OPCML: variants seen among roughly 807,000 people sequenced by gnomAD.
The protein encoded by OPCML is opioid-binding protein/cell adhesion molecule.
In OPCML, 13 loss-of-function variants were observed where a neutral mutation model predicts 37.8. That is an observed-to-expected ratio of 0.34 (90% CI 0.22 to 0.55). The LOEUF is 0.55. OPCML is among the 20% of genes least tolerant of loss of function. The pLI, the probability that OPCML is intolerant of heterozygous loss-of-function variation, is 0.91. For missense variants in OPCML, 341 were observed against 435.6 expected, an observed-to-expected ratio of 0.78 and a Z score of 1.93; for synonymous variants, 176 against 168.8, an observed-to-expected ratio of 1.04 and a Z score of -0.33.
intron 1 of OPCML, among the ~76,000 whole-genome samples, chr11:133,063,037 G>T (rs1205248968): frequency 1.3e-5 from 2 of 152,244 alleles, no homozygotes; most frequent in Admixed American, 6.5e-5. Context: ...GGGCTTTGGG[G>T]TCATGGAGTT....
intron 2 of OPCML, among the ~76,000 whole-genome samples, chr11:132,747,130 A>C (rs1945659942): frequency 6.6e-6 from 1 of 152,210 alleles, no homozygotes; most frequent in African/African-American, 2.4e-5. Context: ...TAGAAGGGTA[A>C]AACAGATTAT....
chr11:132,654,699 A>C (rs1214863051), intron 3 of OPCML, among the ~76,000 whole-genome samples: 1 of 151,512 alleles, frequency 6.6e-6, no homozygotes, highest in East Asian at 1.9e-4. Context: ...TGTCATCCCC[A>C]AAAGAAGATC....
At chr11:132,897,975 T>C (rs1168309526) in intron 2 of OPCML, among the ~76,000 whole-genome samples, 1 of 152,208 alleles carries the variant, frequency 6.6e-6, no homozygotes, top group African/African-American at 2.4e-5. Context: ...GAGGGTAGGA[T>C]GACCCATTCT....
intron 3 of OPCML, among the ~76,000 whole-genome samples, chr11:132,649,710 T>C (rs575713545): frequency 8.5e-5 from 13 of 152,274 alleles, no homozygotes; most frequent in African/African-American, 3.1e-4. Flanking sequence ...ACATTGAACA[T>C]GTATATGTGT....
At chr11:132,838,013 GTTTA>G (rs1436993039) in intron 2 of OPCML, among the ~76,000 whole-genome samples, 4 of 152,124 alleles carry the variant, frequency 2.6e-5, no homozygotes, top group Non-Finnish European at 4.4e-5. Flanking sequence ...TATGTTTCTG[GTTTA>G]TTTATTTGTT....
chr11:133,508,012 C>T (rs560007730), intron 1 of OPCML, among the ~76,000 whole-genome samples: 3 of 151,896 alleles, frequency 2.0e-5, no homozygotes, highest in Admixed American at 6.6e-5. Flanking sequence ...TCGTTTTCCC[C>T]AACACTAGAT....
At chr11:133,218,892 G>A (rs185685879) in intron 1 of OPCML, among the ~76,000 whole-genome samples, 90 of 152,266 alleles carry the variant, frequency 5.9e-4, no homozygotes, top group African/African-American at 1.8e-3. Context: ...TCATACCACC[G>A]TAAAACCTGG....
chr11:132,602,756 C>A (rs1424293265), intron 3 of OPCML, among the ~76,000 whole-genome samples: 1 of 152,230 alleles, frequency 6.6e-6, no homozygotes, highest in Non-Finnish European at 1.5e-5. Context: ...GATCCCAGTC[C>A]ATGAGGAGAT....
At chr11:133,397,570 C>A (rs1945315211) in intron 1 of OPCML, among the ~76,000 whole-genome samples, 1 of 152,214 alleles carries the variant, frequency 6.6e-6, no homozygotes, top group Non-Finnish European at 1.5e-5. Flanking sequence ...CTGAGTTGAG[C>A]AGATAACATT....
At chr11:132,452,669 AC>A (rs1206236716) in intron 4 of OPCML, among the ~76,000 whole-genome samples, 2 of 148,658 alleles carry the variant, frequency 1.3e-5, no homozygotes, top group African/African-American at 2.5e-5. Flanking sequence ...GTCCTCCCTC[AC>A]TTCCTTTGTT....
intron 1 of OPCML, chr11:133,026,026 C>A: frequency 1.0e-6 from 1 of 983,270 alleles, no homozygotes; most frequent in Non-Finnish European, 1.2e-6. Context: ...TGAGCCACCA[C>A]GCCCAGCCTA....
chr11:133,375,593 T>C (rs1022320976), intron 1 of OPCML, among the ~76,000 whole-genome samples: 4 of 152,186 alleles, frequency 2.6e-5, no homozygotes, highest in African/African-American at 9.6e-5. Flanking sequence ...TTGTATAGCC[T>C]GGCTAGGGGC....
chr11:132,496,124 G>T (rs192757558), intron 4 of OPCML, among the ~76,000 whole-genome samples: 1 of 152,198 alleles, frequency 6.6e-6, no homozygotes, highest in East Asian at 1.9e-4. Context: ...TCCCCCCACT[G>T]CAGTCCTGGC....
chr11:132,499,578 T>G (rs1393798893), intron 4 of OPCML, among the ~76,000 whole-genome samples: 1 of 152,212 alleles, frequency 6.6e-6, no homozygotes, highest in Non-Finnish European at 1.5e-5. Flanking sequence ...AGAAATTCCA[T>G]GTTTAAAAGC....
intron 1 of OPCML, among the ~76,000 whole-genome samples, chr11:133,142,101 G>A (rs1949831299): frequency 6.6e-6 from 1 of 152,186 alleles, no homozygotes; most frequent in Admixed American, 6.5e-5. Flanking sequence ...TTCTCAATAA[G>A]TAGTACTTAT....
Position 133,439,523 on chromosome 11 carries a change from A to G in OPCML, c.61+92741T>C, listed in dbSNP as rs557984080. The G allele has an allele frequency of 1.3e-4, 105 of 788,556 alleles. No homozygotes were observed. In the East Asian group the frequency reaches 3.7e-3, roughly 28 times the overall value. 48.8% of individuals were successfully genotyped at this position (788,556 alleles called of 1,614,324 possible). The stretch of plus-strand genomic sequence containing the variant: ...CACTCTGTCGCCCAGGCTGGAGTGC[A>G]GTGGCTCCATCTCTGCTCACTGCAA... On this transcript the variant is annotated intron_variant, in intron 1 of 7. Coordinates refer to ENST00000524381, the MANE Select transcript of OPCML (RefSeq NM_001012393.5).
At chr11:132,609,988 A>T (rs1938542910) in intron 3 of OPCML, among the ~76,000 whole-genome samples, 1 of 151,906 alleles carries the variant, frequency 6.6e-6, no homozygotes, top group African/African-American at 2.4e-5. Context: ...TAACCATCAC[A>T]CACACACACA....
At chr11:133,399,970 C>T (rs1252577578) in intron 1 of OPCML, among the ~76,000 whole-genome samples, 3 of 151,972 alleles carry the variant, frequency 2.0e-5, no homozygotes, top group African/African-American at 7.3e-5. Flanking sequence ...GACTAACCTT[C>T]CAGTGAACTT....
chr11:133,502,983 G>T (rs1043125944), intron 1 of OPCML, among the ~76,000 whole-genome samples: 1 of 152,162 alleles, frequency 6.6e-6, no homozygotes, highest in African/African-American at 2.4e-5. Context: ...AGTACAAGAT[G>T]CACAGCCTAG....
Sources: gnomAD v4.1 joint callset for allele counts (sites outside exome capture counted in the v4.1 genomes callset) on GRCh38, gnomAD v4.1.1 for gene constraint, MANE v1.5 for transcripts, NCBI Gene and HGNC (gene_info 2026-07-23, HGNC 2026-07-21) for gene names.